ANKRD6: variants seen among roughly 807,000 people sequenced by gnomAD.
The protein encoded by ANKRD6 is ankyrin repeat domain 6.
Under a neutral mutation model 82.3 loss-of-function variants are expected in ANKRD6, and 56 were observed. The observed-to-expected ratio is 0.68, with a 90% CI of 0.55 to 0.85. The LOEUF is 0.85. Among genes scored for constraint, ANKRD6 ranks in the 40% least tolerant of loss-of-function variants. The pLI is 0.00. For synonymous variants in ANKRD6, 347 were observed against 352.1 expected, an observed-to-expected ratio of 0.99 and a Z score of 0.16; for missense variants, 852 against 907.6, an observed-to-expected ratio of 0.94 and a Z score of 0.79.
chr6:89,559,450 A>G (rs1583277483), intron 1 of ANKRD6, among the ~76,000 whole-genome samples: 1 of 152,284 alleles, frequency 6.6e-6, no homozygotes. Flanking sequence ...CCTTATGCCC[A>G]TCTCTTCAAT....
At chr6:89,498,801 C>T (rs918254018) in intron 1 of ANKRD6, among the ~76,000 whole-genome samples, 5 of 152,176 alleles carry the variant, frequency 3.3e-5, no homozygotes, top group African/African-American at 4.8e-5. Context: ...GAGAAATAAG[C>T]TCCTGAATAG....
Position 89,557,772 on chromosome 6 carries a change from C to T in ANKRD6, c.-143-9062C>T, listed in dbSNP as rs145188295. Among the ~76,000 whole-genome samples the T allele has an allele frequency of 5.2e-3, 788 of 152,262 alleles. 6 individuals are homozygous for T. The highest frequency in any genetic ancestry group is 0.017 in the South Asian group (80 of 4,818). ...TGCATTACTGCCTGAGCTCCCCCTCCTGTCAGATCAGCGGCAGCGTTAGAT... is the reference window on the plus strand; with the variant it reads ...TGCATTACTGCCTGAGCTCCCCCTCTTGTCAGATCAGCGGCAGCGTTAGAT... On this transcript the variant is annotated intron_variant, in intron 1 of 15. Coordinates refer to ENST00000339746, the MANE Select transcript of ANKRD6 (RefSeq NM_001242809.2).
At chr6:89,616,683 CT>C in intron 8 of ANKRD6, 26 bp downstream of exon 8, 1 of 1,609,766 alleles carries the variant, frequency 6.2e-7, no homozygotes, top group Non-Finnish European at 8.5e-7. Flanking sequence ...ACATTGCTTT[CT>C]AAAGTGGTTC....
intron 1 of ANKRD6, among the ~76,000 whole-genome samples, chr6:89,564,203 A>G (rs1308534742): frequency 1.3e-5 from 2 of 151,994 alleles, no homozygotes; most frequent in Non-Finnish European, 2.9e-5. Context: ...TCTGGTAGGG[A>G]GAGTATCCAA....
At chr6:89,616,911 G>A in intron 8 of ANKRD6, 1 of 626,490 alleles carries the variant, frequency 1.6e-6, no homozygotes, top group Non-Finnish European at 3.0e-6. Context: ...GCATGAAAAA[G>A]AACTCAGGGA....
At chr6:89,621,855 A>G in intron 9 of ANKRD6, 67 bp from the exon 10 acceptor site, 1 of 1,490,840 alleles carries the variant, frequency 6.7e-7, no homozygotes, top group Non-Finnish European at 9.3e-7. Context: ...CCCAGGTCCA[A>G]GGAGAATTCT....
At chr6:89,525,302 A>AAC (rs1782353714) in intron 1 of ANKRD6, among the ~76,000 whole-genome samples, 1 of 151,152 alleles carries the variant, frequency 6.6e-6, no homozygotes. Flanking sequence ...TCAAAAAAAA[A>AAC]AAAAAAAAGA....
At chr6:89,461,185 A>C (rs1328885985) in intron 1 of ANKRD6, among the ~76,000 whole-genome samples, 1 of 152,148 alleles carries the variant, frequency 6.6e-6, no homozygotes, top group Non-Finnish European at 1.5e-5. Flanking sequence ...AAGTGTTGGG[A>C]TTACAGGAGT....
At chr6:89,606,561 A>G (rs1258419912) in intron 5 of ANKRD6, among the ~76,000 whole-genome samples, 1 of 152,128 alleles carries the variant, frequency 6.6e-6, no homozygotes, top group East Asian at 1.9e-4. Flanking sequence ...GAGCCTTAAA[A>G]TGGTCCTTTT....
At chr6:89,571,621 G>A (rs374487617) in intron 2 of ANKRD6, among the ~76,000 whole-genome samples, 4 of 151,890 alleles carry the variant, frequency 2.6e-5, no homozygotes, top group African/African-American at 9.7e-5. Flanking sequence ...TACTTTTTTA[G>A]AGCCGTTTTA....
intron 2 of ANKRD6, among the ~76,000 whole-genome samples, chr6:89,586,520 C>T (rs1171966547): frequency 1.3e-5 from 2 of 152,064 alleles, no homozygotes; most frequent in African/African-American, 4.8e-5. Flanking sequence ...AACCCTGTCT[C>T]TACTAAGAAT....
chr6:89,624,705 C>T lies in ANKRD6; in HGVS notation c.1371+14C>T, dbSNP rs1267989109. On this transcript the variant is annotated intron_variant, in intron 13 of 15. Coordinates refer to ENST00000339746, the MANE Select transcript of ANKRD6 (RefSeq NM_001242809.2). ...ACCCAGCACCAAGTATGTCATAAGG[C>T]CCAGCTTCCTAATTGCAAGGTGTTC... The T allele has an allele frequency of 1.3e-6, 2 of 1,599,440 alleles. No individual in the cohort carries two copies. The highest frequency in any genetic ancestry group is 4.5e-5 in the East Asian group (2 of 44,566).
intron 1 of ANKRD6, among the ~76,000 whole-genome samples, chr6:89,466,351 T>C (rs74615184): frequency 0.025 from 3,780 of 152,336 alleles, 77 homozygotes; most frequent in Non-Finnish European, 0.041. Context: ...AGAAATGGAA[T>C]TACTGAGTCA....
At chr6:89,605,697 G>T (rs1290132676) in intron 4 of ANKRD6, among the ~76,000 whole-genome samples, 1 of 152,138 alleles carries the variant, frequency 6.6e-6, no homozygotes, top group Non-Finnish European at 1.5e-5. Context: ...TGTGGATGGG[G>T]CCTAGAGCCT....
intron 1 of ANKRD6, among the ~76,000 whole-genome samples, chr6:89,522,939 C>T (rs186725503): frequency 6.6e-6 from 1 of 152,220 alleles, no homozygotes; most frequent in East Asian, 1.9e-4. Flanking sequence ...GACCCAGCCT[C>T]CAGCATGTCA....
At chr6:89,500,559 T>A (rs1341507766) in intron 1 of ANKRD6, among the ~76,000 whole-genome samples, 1 of 152,232 alleles carries the variant, frequency 6.6e-6, no homozygotes, top group African/African-American at 2.4e-5. Context: ...AAGTCCTGGC[T>A]GTATCACCAG....
At chr6:89,490,551 G>T (rs1777899519) in intron 1 of ANKRD6, among the ~76,000 whole-genome samples, 1 of 152,242 alleles carries the variant, frequency 6.6e-6, no homozygotes. Flanking sequence ...ATGCTCAGAT[G>T]ATAGCGGGGA....
chr6:89,546,698 A>G (rs1030104055), intron 1 of ANKRD6, among the ~76,000 whole-genome samples: 1 of 152,048 alleles, frequency 6.6e-6, no homozygotes, highest in Admixed American at 6.5e-5. Flanking sequence ...CCTGACCTCA[A>G]GTGATCTGCC....
intron 1 of ANKRD6, among the ~76,000 whole-genome samples, chr6:89,480,959 A>AAAAAAAAAAAT (rs1216085201): frequency 6.7e-6 from 1 of 148,900 alleles, no homozygotes. Context: ...AAAAAAATAG[A>AAAAAAAAAAAT]AGAAGAAGAA....
Sources: allele counts gnomAD v4.1 joint callset (sites outside exome capture counted in the v4.1 genomes callset), GRCh38; gene constraint gnomAD v4.1.1; transcripts MANE v1.5; gene names NCBI Gene and HGNC (gene_info 2026-07-23, HGNC 2026-07-21).